The following HNF4G variants were observed in gnomAD, a reference collection of about 807,000 sequenced individuals.
HNF4G encodes the protein hepatocyte nuclear factor 4-gamma.
HNF4G carries 21 observed loss-of-function variants against 50.9 expected under a neutral mutation model. The ratio of observed to expected loss-of-function variants is 0.41; its 90% CI spans 0.29 to 0.59. HNF4G has a LOEUF of 0.59. Among genes scored for constraint, HNF4G ranks in the 20% least tolerant of loss-of-function variants. The pLI, the probability that HNF4G is intolerant of heterozygous loss-of-function variation, is 0.26. For synonymous variants in HNF4G, 198 were observed against 185.6 expected, an observed-to-expected ratio of 1.07 and a Z score of -0.54; for missense variants, 527 against 559.4, an observed-to-expected ratio of 0.94 and a Z score of 0.58.
intron 2 of HNF4G, among the ~76,000 whole-genome samples, chr8:75,491,723 G>A (rs540195717): frequency 1.2e-4 from 19 of 152,272 alleles, no homozygotes; most frequent in South Asian, 4.1e-4. Context: ...TGATCCATCC[G>A]TCTTGGCCTC....
At chr8:75,523,730 ATTATATT>A (rs557995620) in intron 2 of HNF4G, among the ~76,000 whole-genome samples, 223 of 152,014 alleles carry the variant, frequency 1.5e-3, no homozygotes, top group Admixed American at 2.6e-3. Context: ...ATAAAATAGT[ATTATATT>A]TTATAATACT....
intron 6 of HNF4G, among the ~76,000 whole-genome samples, chr8:75,558,036 T>A (rs1563554715): frequency 2.0e-5 from 3 of 149,246 alleles, no homozygotes; most frequent in East Asian, 2.0e-4. Context: ...CATGCTAATT[T>A]AAAAAAAAAA....
chr8:75,475,105 G>A (rs1190861715), intron 1 of HNF4G, among the ~76,000 whole-genome samples: 2 of 151,958 alleles, frequency 1.3e-5, no homozygotes, highest in East Asian at 3.9e-4. Flanking sequence ...TGCCTCCCGG[G>A]TTCAAGCGAT....
chr8:75,450,459 C>G (rs1226680974), intron 1 of HNF4G, among the ~76,000 whole-genome samples: 6 of 152,124 alleles, frequency 3.9e-5, no homozygotes, highest in Non-Finnish European at 8.8e-5. Flanking sequence ...ACACGGTAGT[C>G]AGATTGCTGG....
chr8:75,493,851 T>A (rs972844525), intron 2 of HNF4G, among the ~76,000 whole-genome samples: 3 of 152,148 alleles, frequency 2.0e-5, no homozygotes, highest in Non-Finnish European at 4.4e-5. Context: ...TCAAAAAAAA[T>A]GTTTAAAAAT....
intron 2 of HNF4G, among the ~76,000 whole-genome samples, chr8:75,516,238 G>A (rs1477119225): frequency 6.6e-6 from 1 of 152,066 alleles, no homozygotes; most frequent in East Asian, 1.9e-4. Context: ...TCTAAGCACT[G>A]CTTTAGCTTT....
chr8:75,515,380 A>C (rs564513181), intron 2 of HNF4G, among the ~76,000 whole-genome samples: 7 of 152,166 alleles, frequency 4.6e-5, no homozygotes, highest in Non-Finnish European at 8.8e-5. Context: ...TTCTCCAGAG[A>C]AACAACCAAT....
At chr8:75,513,236 C>A (rs983628519) in intron 2 of HNF4G, among the ~76,000 whole-genome samples, 2 of 152,108 alleles carry the variant, frequency 1.3e-5, no homozygotes, top group Admixed American at 1.3e-4. Context: ...TGGGGTTTCA[C>A]CACGTTGGCC....
intron 2 of HNF4G, among the ~76,000 whole-genome samples, chr8:75,510,402 T>C (rs1805718707): frequency 6.6e-6 from 1 of 152,190 alleles, no homozygotes; most frequent in South Asian, 2.1e-4. Context: ...CTACATAAAG[T>C]CTGCAATAGT....
intron 1 of HNF4G, among the ~76,000 whole-genome samples, chr8:75,412,236 G>C (rs1281194862): frequency 2.0e-5 from 3 of 152,158 alleles, no homozygotes; most frequent in Non-Finnish European, 2.9e-5. Context: ...ATCACACCAA[G>C]TATAGTTCCA....
At chr8:75,424,073 G>T (rs923970168) in intron 1 of HNF4G, among the ~76,000 whole-genome samples, 3 of 151,536 alleles carry the variant, frequency 2.0e-5, no homozygotes, top group African/African-American at 7.3e-5. Flanking sequence ...CGCCTGCCTC[G>T]GCCTCCCAAA....
chr8:75,473,907 G>T (rs1462609588), intron 1 of HNF4G, among the ~76,000 whole-genome samples: 1 of 151,812 alleles, frequency 6.6e-6, no homozygotes, highest in Non-Finnish European at 1.5e-5. Flanking sequence ...ACCAAATTGT[G>T]AACAATTTCA....
At chr8:75,424,117 G>A (rs1474651608) in intron 1 of HNF4G, among the ~76,000 whole-genome samples, 3 of 151,756 alleles carry the variant, frequency 2.0e-5, no homozygotes, top group East Asian at 1.9e-4. Flanking sequence ...CACCGCACCC[G>A]GCCCTGTCCA....
intron 9 of HNF4G, 51 bp from the exon 10 acceptor site, chr8:75,563,924 T>C: frequency 6.2e-7 from 1 of 1,602,424 alleles, no homozygotes; most frequent in Non-Finnish European, 8.5e-7. Flanking sequence ...TTTAATGGGG[T>C]GAGGAAGACT....
intron 1 of HNF4G, among the ~76,000 whole-genome samples, chr8:75,436,605 C>A (rs772040413): frequency 3.9e-5 from 6 of 152,108 alleles, no homozygotes; most frequent in African/African-American, 1.4e-4. Context: ...TCCCACCTCA[C>A]GCTTTAAATT....
At chr8:75,551,057 C>G (rs1180629240) in intron 3 of HNF4G, among the ~76,000 whole-genome samples, 5 of 152,122 alleles carry the variant, frequency 3.3e-5, no homozygotes, top group Non-Finnish European at 7.4e-5. Flanking sequence ...ATAGGCAATG[C>G]TCTTCCTCTA....
At chr8:75,452,717 TC>T (rs1341075177) in intron 1 of HNF4G, among the ~76,000 whole-genome samples, 1 of 146,622 alleles carries the variant, frequency 6.8e-6, no homozygotes, top group Non-Finnish European at 1.5e-5. Flanking sequence ...AGACTCCGTC[TC>T]AAAAAAAAAA....
intron 1 of HNF4G, among the ~76,000 whole-genome samples, chr8:75,438,762 G>A (rs190051736): frequency 3.3e-5 from 5 of 151,774 alleles, no homozygotes; most frequent in Admixed American, 6.6e-5. Flanking sequence ...TCACACTCTC[G>A]TTATCTCTTC....
At chr8:75,549,450 A>G (rs1585946604) in intron 3 of HNF4G, among the ~76,000 whole-genome samples, 1 of 152,104 alleles carries the variant, frequency 6.6e-6, no homozygotes. Context: ...TTAAAAATCA[A>G]TAACAATTTC....
Sources: gnomAD v4.1 joint callset for allele counts (sites outside exome capture counted in the v4.1 genomes callset) on GRCh38, gnomAD v4.1.1 for gene constraint, MANE v1.5 for transcripts, NCBI Gene and HGNC (gene_info 2026-07-23, HGNC 2026-07-21) for gene names.